KCNK10: variants seen among roughly 807,000 people sequenced by gnomAD.
The protein encoded by KCNK10 is potassium channel subfamily K member 10.
In KCNK10, 25 loss-of-function variants were observed where a neutral mutation model predicts 47.7. The observed-to-expected ratio is 0.52, with a 90% CI of 0.38 to 0.73. KCNK10 has a LOEUF of 0.73. Ranked by LOEUF, KCNK10 falls within the 30% of genes least tolerant of loss-of-function variation. The probability of loss-of-function intolerance (pLI) is 0.00; values close to 1 mark genes in which losing one functional copy is unlikely to be tolerated. For missense variants in KCNK10, 563 were observed against 714.5 expected (o/e 0.79, Z 2.42); for synonymous variants, 303 against 285.6 (o/e 1.06, Z -0.61).
chr14:88,225,607 G>T (rs1885958119), intron 4 of KCNK10, among the ~76,000 whole-genome samples: 1 of 152,160 alleles, frequency 6.6e-6, no homozygotes. Context: ...AATTTTTTCT[G>T]CTAAGGAGGA....
At chr14:88,189,783 T>C (rs555701428) in intron 5 of KCNK10, among the ~76,000 whole-genome samples, 2 of 152,326 alleles carry the variant, frequency 1.3e-5, no homozygotes, top group African/African-American at 4.8e-5. Flanking sequence ...TGTTAATGTA[T>C]CGTTTTCCAA....
chr14:88,255,755 GA>G (rs1299268781), intron 2 of KCNK10, among the ~76,000 whole-genome samples: 1 of 152,132 alleles, frequency 6.6e-6, no homozygotes, highest in Non-Finnish European at 1.5e-5. Flanking sequence ...ACGTTCTGAG[GA>G]GGCTGAGGCA....
At chr14:88,313,631 G>C in intron 1 of KCNK10, among the ~76,000 whole-genome samples, 1 of 152,132 alleles carries the variant, frequency 6.6e-6, no homozygotes, top group East Asian at 1.9e-4. Context: ...CTTGGAAACA[G>C]ATCCTCCTGC....
chr14:88,227,265 A>T (rs1886016309), intron 4 of KCNK10, 110 bp downstream of exon 4: 2 of 904,524 alleles, frequency 2.2e-6, no homozygotes, highest in African/African-American at 1.7e-5. Context: ...ATAACATTAA[A>T]ATTATTCCAT....
Position 88,322,847 on chromosome 14 carries a change from T to C in KCNK10, c.-49A>G. 6.2e-7 allele frequency: 1 copy of C among 1,613,664 alleles called. No individual in the cohort carries two copies. The highest frequency in any genetic ancestry group is 8.5e-7 in the Non-Finnish European group (1 of 1,179,770). The stretch of plus-strand genomic sequence containing the variant: ...GAAATGAAAAGAACCCAAATAATAA[T>C]AAAGTCCTCAAGCTTTACACGCCTC... On this transcript the variant is annotated 5_prime_UTR_variant, in exon 1 of 7. Transcript: ENST00000319231. This position sits in a 1 kb window ranked among gnomAD's most constrained non-coding sequence, Gnocchi z 4.8.
intron 1 of KCNK10, among the ~76,000 whole-genome samples, chr14:88,290,061 T>C (rs548722983): frequency 4.6e-5 from 7 of 152,330 alleles, no homozygotes; most frequent in South Asian, 4.1e-4. Flanking sequence ...AAGATGTCCA[T>C]GTCCTGATCC....
chr14:88,286,385 T>C (rs1289570843), intron 1 of KCNK10, among the ~76,000 whole-genome samples: 1 of 152,178 alleles, frequency 6.6e-6, no homozygotes, highest in Non-Finnish European at 1.5e-5. Flanking sequence ...GCTGCATCTA[T>C]ATTGTGATAG....
chr14:88,218,186 C>A (rs1030229226), intron 4 of KCNK10, among the ~76,000 whole-genome samples: 1 of 152,150 alleles, frequency 6.6e-6, no homozygotes, highest in Non-Finnish European at 1.5e-5. Context: ...TTTAAGTTAA[C>A]CCTTTTGCTG....
chr14:88,243,620 TG>T (rs1244961489), intron 2 of KCNK10, among the ~76,000 whole-genome samples: 2 of 152,174 alleles, frequency 1.3e-5, no homozygotes, highest in African/African-American at 4.8e-5. Flanking sequence ...AAACTTCACT[TG>T]GCTGTTGAAG....
intron 1 of KCNK10, among the ~76,000 whole-genome samples, chr14:88,306,136 A>T (rs1263120553): frequency 1.3e-5 from 2 of 152,224 alleles, no homozygotes; most frequent in African/African-American, 4.8e-5. Flanking sequence ...GCTACATCAG[A>T]CTGGGCTGCT....
chr14:88,188,140 G>T, intron 5 of KCNK10, 31 bp from the exon 6 acceptor site: 1 of 1,611,952 alleles, frequency 6.2e-7, no homozygotes, highest in South Asian at 1.1e-5. Flanking sequence ...CTTTAACCAT[G>T]ATCTAGCATA....
chr14:88,267,394 G>A (rs1185390812), intron 1 of KCNK10, among the ~76,000 whole-genome samples: 1 of 149,014 alleles, frequency 6.7e-6, no homozygotes, highest in Non-Finnish European at 1.5e-5. Context: ...TTTTTGAGAC[G>A]GAGTCTTGCT....
chr14:88,208,062 G>A (rs947209096), intron 4 of KCNK10, among the ~76,000 whole-genome samples: 4 of 152,156 alleles, frequency 2.6e-5, no homozygotes, highest in East Asian at 1.9e-4. Flanking sequence ...CCCCAAACAC[G>A]ATCACCAAGG....
chr14:88,190,330 G>A (rs992993898), intron 5 of KCNK10, among the ~76,000 whole-genome samples: 2 of 152,212 alleles, frequency 1.3e-5, no homozygotes, highest in African/African-American at 4.8e-5. Flanking sequence ...GATACTTAAA[G>A]ATGTTTGTGA....
At position 88,322,629 on chromosome 14, in the gene KCNK10, C is replaced by G. The variant is rs573493310; in HGVS notation, c.52+118G>C. On this transcript the variant is annotated intron_variant, in intron 1 of 6. Coordinates refer to ENST00000319231, the MANE Select transcript of KCNK10 (RefSeq NM_138317.3). This position sits in a 1 kb window ranked among gnomAD's most constrained non-coding sequence, Gnocchi z 4.8. The stretch of plus-strand genomic sequence containing the variant: ...TCCCACCCGCGCTGCAGTTCCCAGG[C>G]GCATTTCCCAGCCTCAGGACACACG... 7.1e-7 allele frequency: 1 copy of G among 1,401,058 alleles called. No homozygotes were observed. The highest frequency in any genetic ancestry group is 1.4e-5 in the African/African-American group (1 of 70,168). The allele number at this position is 1,401,058 out of a possible 1,614,324, so 86.8% of individuals were successfully genotyped here.
At chr14:88,232,865 A>G (rs1447729347) in intron 3 of KCNK10, among the ~76,000 whole-genome samples, 1 of 152,222 alleles carries the variant, frequency 6.6e-6, no homozygotes, top group Non-Finnish European at 1.5e-5. Context: ...GGTATGACAC[A>G]GTGTCCTGCC....
Position 88,260,166 on chromosome 14 carries a change from C to T in KCNK10, c.402+3036G>A, listed in dbSNP as rs564460523. On this transcript the variant is annotated intron_variant, in intron 2 of 6. Coordinates refer to ENST00000319231, the MANE Select transcript of KCNK10 (RefSeq NM_138317.3). This position sits in a 1 kb window ranked among gnomAD's most constrained non-coding sequence, Gnocchi z 4.5. Reference sequence around the variant, plus strand: ...CCATGTTGGCCAGGTTGGTCTCGAACTCCTGATCTCAGGTCATCCACCCAC... The same window carrying T: ...CCATGTTGGCCAGGTTGGTCTCGAATTCCTGATCTCAGGTCATCCACCCAC... Among the ~76,000 whole-genome samples the T allele has an allele frequency of 6.6e-6, 1 of 152,302 alleles. No homozygotes were observed. Among genetic ancestry groups the T allele is most frequent in the Admixed American group, 6.5e-5 (1 of 15,306 alleles).
At chr14:88,280,954 A>G (rs1887638197) in intron 1 of KCNK10, among the ~76,000 whole-genome samples, 1 of 150,904 alleles carries the variant, frequency 6.6e-6, no homozygotes, top group South Asian at 2.1e-4. Flanking sequence ...TCATCACTGC[A>G]TCTAGAATAA....
chr14:88,207,966 G>A (rs915841987), intron 4 of KCNK10, among the ~76,000 whole-genome samples: 8 of 152,144 alleles, frequency 5.3e-5, no homozygotes, highest in African/African-American at 1.7e-4. Context: ...AATATCACAC[G>A]CAAAAGTCTG....
Sources: gnomAD v4.1 joint callset for allele counts (sites outside exome capture counted in the v4.1 genomes callset) on GRCh38, gnomAD v4.1.1 for gene constraint, Gnocchi (gnomAD v3.1) non-coding constraint, MANE v1.5 for transcripts, NCBI Gene and HGNC (gene_info 2026-07-23, HGNC 2026-07-21) for gene names.